The following CADM2 variants were observed in gnomAD, a reference collection of about 807,000 sequenced individuals.
The protein encoded by CADM2 is cell adhesion molecule 2, also known as immunoglobulin superfamily member 4D.
Under a neutral mutation model 49.8 loss-of-function variants are expected in CADM2, and 12 were observed. That is an observed-to-expected ratio of 0.24 (90% confidence interval 0.15 to 0.39). The LOEUF is 0.39. Ranked by LOEUF, CADM2 falls within the 10% of genes least tolerant of loss-of-function variation. The pLI, the probability that CADM2 is intolerant of heterozygous loss-of-function variation, is 1.00. For synonymous variants in CADM2, 214 were observed against 175.4 expected (o/e 1.22, Z -1.74); for missense variants, 378 against 492.3 (o/e 0.77, Z 2.20).
At chr3:85,315,345 C>T (rs529445425) in intron 1 of CADM2, among the ~76,000 whole-genome samples, 1 of 152,122 alleles carries the variant, frequency 6.6e-6, no homozygotes, top group African/African-American at 2.4e-5. Context: ...TATGTTATGA[C>T]TCTTCCTAAA....
chr3:85,720,245 CA>C (rs1329064981), intron 1 of CADM2, among the ~76,000 whole-genome samples: 1 of 152,074 alleles, frequency 6.6e-6, no homozygotes, highest in Non-Finnish European at 1.5e-5. Flanking sequence ...TTTGGAAGTT[CA>C]ATGTAGAGAC....
At chr3:85,804,931 G>A (rs2072308322) in intron 3 of CADM2, among the ~76,000 whole-genome samples, 1 of 152,034 alleles carries the variant, frequency 6.6e-6, no homozygotes, top group African/African-American at 2.4e-5. Context: ...ATGAATTGTT[G>A]AAGTATGCAC....
intron 1 of CADM2, among the ~76,000 whole-genome samples, chr3:85,273,413 A>C (rs1000693988): frequency 2.0e-5 from 3 of 151,336 alleles, no homozygotes; most frequent in Non-Finnish European, 3.0e-5. Context: ...ACTTAGAGGA[A>C]TTGTGAGACT....
chr3:85,161,358 G>T (rs1334661493), intron 1 of CADM2, among the ~76,000 whole-genome samples: 1 of 152,128 alleles, frequency 6.6e-6, no homozygotes, highest in East Asian at 1.9e-4. Flanking sequence ...GGTCAGAAGA[G>T]ATGTTCTCTC....
chr3:85,006,768 G>A (rs1180889496), intron 1 of CADM2, among the ~76,000 whole-genome samples: 2 of 151,794 alleles, frequency 1.3e-5, no homozygotes, highest in Non-Finnish European at 2.9e-5. Flanking sequence ...AATTTTAAGA[G>A]CCCGTTGTAA....
At chr3:85,757,140 T>G (rs2107885850) in intron 2 of CADM2, among the ~76,000 whole-genome samples, 1 of 152,256 alleles carries the variant, frequency 6.6e-6, no homozygotes, top group East Asian at 1.9e-4. Context: ...ATGTTTTAAC[T>G]AATGAAATTT....
chr3:85,917,322 T>A (rs565913609), intron 6 of CADM2, among the ~76,000 whole-genome samples: 17 of 152,324 alleles, frequency 1.1e-4, no homozygotes, highest in African/African-American at 3.6e-4. Context: ...AAGTCTTTAA[T>A]CCATCTTGAA....
chr3:85,676,709 T>A (rs1256265680), intron 1 of CADM2, among the ~76,000 whole-genome samples: 2 of 152,168 alleles, frequency 1.3e-5, no homozygotes, highest in Non-Finnish European at 2.9e-5. Flanking sequence ...GCGTAATACT[T>A]CTTTCATATG....
chr3:84,973,019 A>G (rs1231778494), intron 1 of CADM2, among the ~76,000 whole-genome samples: 1 of 152,110 alleles, frequency 6.6e-6, no homozygotes, highest in Non-Finnish European at 1.5e-5. Flanking sequence ...GGTTCAAGCA[A>G]TTCCATGCCT....
chr3:85,031,787 C>T (rs531627467), intron 1 of CADM2, among the ~76,000 whole-genome samples: 3 of 151,502 alleles, frequency 2.0e-5, no homozygotes, highest in East Asian at 3.9e-4. Context: ...CCCAGAGTGC[C>T]GGGATTACAG....
chr3:85,604,980 G>GT (rs1259195920), intron 1 of CADM2, among the ~76,000 whole-genome samples: 2 of 152,018 alleles, frequency 1.3e-5, no homozygotes, highest in Non-Finnish European at 2.9e-5. Context: ...ATTTAAGGCT[G>GT]TGAACTAGTT....
chr3:85,608,901 T>G (rs1559940684), intron 1 of CADM2, among the ~76,000 whole-genome samples: 1 of 152,124 alleles, frequency 6.6e-6, no homozygotes, highest in Non-Finnish European at 1.5e-5. Context: ...TCTTCAATTT[T>G]TCTCAGCATA....
At chr3:85,502,098 T>C (rs927069580) in intron 1 of CADM2, among the ~76,000 whole-genome samples, 1 of 152,158 alleles carries the variant, frequency 6.6e-6, no homozygotes, top group East Asian at 1.9e-4. Flanking sequence ...AATGAAACTT[T>C]ATTAAAAATG....
chr3:85,890,877 C>G (rs537675466), intron 5 of CADM2, among the ~76,000 whole-genome samples: 172 of 152,068 alleles, frequency 1.1e-3, no homozygotes, highest in African/African-American at 4.0e-3. Flanking sequence ...TGCAGAGTAA[C>G]AGCATGTGAT....
chr3:85,604,461 T>A (rs907130095), intron 1 of CADM2, among the ~76,000 whole-genome samples: 1 of 151,986 alleles, frequency 6.6e-6, no homozygotes, highest in African/African-American at 2.4e-5. Context: ...ACATGCTGTA[T>A]TAGTTTACCC....
rs569519514 is a variant in CADM2, at chr3:85,217,981, C to T, written c.61+258313C>T. Among the ~76,000 whole-genome samples the T allele has an allele frequency of 1.1e-4, 17 of 151,978 alleles. No individual in the cohort carries two copies. In the East Asian group the frequency reaches 3.3e-3, roughly 29 times the overall value. ...GTATATTTGGATATTTGGCCTTTAG[C>T]TGTGTATCCATAAATCAAACATTTA... On this transcript the variant is annotated intron_variant, in intron 1 of 9. Coordinates refer to ENST00000383699, the MANE Select transcript of CADM2 (RefSeq NM_001167675.2).
intron 3 of CADM2, among the ~76,000 whole-genome samples, chr3:85,853,389 T>G (rs571108330): frequency 1.3e-5 from 2 of 152,102 alleles, no homozygotes; most frequent in Non-Finnish European, 2.9e-5. Context: ...TTATGTATTT[T>G]AAGTATTTCA....
At chr3:85,459,798 C>T (rs780407257) in intron 1 of CADM2, among the ~76,000 whole-genome samples, 5 of 152,160 alleles carry the variant, frequency 3.3e-5, no homozygotes, top group Admixed American at 1.3e-4. Context: ...TGGAACTCTG[C>T]ATGTGTTTTT....
intron 1 of CADM2, among the ~76,000 whole-genome samples, chr3:85,358,387 CAA>C (rs376783196): frequency 9.3e-5 from 14 of 150,236 alleles, no homozygotes; most frequent in Admixed American, 8.0e-4. Flanking sequence ...CATCATTTTC[CAA>C]AAAAAATATA....
Sources: allele counts gnomAD v4.1 joint callset (sites outside exome capture counted in the v4.1 genomes callset), GRCh38; gene constraint gnomAD v4.1.1; transcripts MANE v1.5; gene names NCBI Gene and HGNC (gene_info 2026-07-23, HGNC 2026-07-21).